GNG2: variants seen among roughly 807,000 people sequenced by gnomAD.
GNG2 encodes the protein G protein subunit gamma 2, also known as guanine nucleotide-binding protein G(I)/G(S)/G(O) subunit gamma-2.
Under a neutral mutation model 5.5 loss-of-function variants are expected in GNG2, and 5 were observed. The observed-to-expected ratio is 0.91, with a 90% CI of 0.48 to 1.92. The LOEUF (loss-of-function observed/expected upper bound fraction) is 1.92, where lower values mean the gene tolerates loss of function less well. Ranked by LOEUF, GNG2 falls within the 30% of genes most tolerant of loss-of-function variation. The pLI, the probability that GNG2 is intolerant of heterozygous loss-of-function variation, is 0.01. For synonymous variants in GNG2, 28 were observed against 32.0 expected (o/e 0.88, Z 0.42); for missense variants, 55 against 88.4 (o/e 0.62, Z 1.52).
rs969184287 is a variant in GNG2 at position 51,966,972 on chromosome 14, C to G, written c.*285C>G. 2 of 179,646 alleles carry G rather than the reference C, an allele frequency of 1.1e-5. No individual in the cohort carries two copies. Among genetic ancestry groups the G allele is most frequent in the Non-Finnish European group, 2.3e-5 (2 of 88,184 alleles). The allele number at this position is 179,646 out of a possible 1,614,324, so 11.1% of individuals were successfully genotyped here. On this transcript the variant is annotated 3_prime_UTR_variant, in exon 4 of 4. Transcript: ENST00000556766. Reference sequence around the variant, plus strand: ...TTCTGCTATCCCCCAGCCCCCCCCCCAAAATCCTCATGTTTCTGCTTCATA... The same window carrying G: ...TTCTGCTATCCCCCAGCCCCCCCCCGAAAATCCTCATGTTTCTGCTTCATA...
At chr14:51,944,827 A>G (rs1019913752) in intron 2 of GNG2, among the ~76,000 whole-genome samples, 2 of 152,216 alleles carry the variant, frequency 1.3e-5, no homozygotes, top group African/African-American at 4.8e-5. Context: ...TTCAAAGGAC[A>G]GTTCAACGGA....
intron 2 of GNG2, chr14:51,914,295 C>T (rs544116035): frequency 8.5e-6 from 6 of 701,882 alleles, no homozygotes; most frequent in East Asian, 5.4e-5. Flanking sequence ...AAAGGACTGC[C>T]GTCTCAGGCC....
chr14:51,859,274 C>T (rs1040932229), upstream of GNG2, among the ~76,000 whole-genome samples: 31 of 152,164 alleles, frequency 2.0e-4, no homozygotes, highest in African/African-American at 6.5e-4. Context: ...CAGGATTCCC[C>T]TTCCCCCATC....
chr14:51,943,796 A>G (rs973832974), intron 2 of GNG2, among the ~76,000 whole-genome samples: 1 of 134,796 alleles, frequency 7.4e-6, no homozygotes, highest in African/African-American at 2.5e-5. Context: ...GAAAGAACAC[A>G]TAAATAAATG....
At chr14:51,907,157 C>T (rs1323988849) in intron 2 of GNG2, among the ~76,000 whole-genome samples, 2 of 152,148 alleles carry the variant, frequency 1.3e-5, no homozygotes, top group Non-Finnish European at 2.9e-5. Flanking sequence ...CAGCCACTGC[C>T]AAGTCTCCTT....
At chr14:51,892,648 G>C (rs1042755010) in intron 2 of GNG2, among the ~76,000 whole-genome samples, 4 of 152,122 alleles carry the variant, frequency 2.6e-5, no homozygotes, top group Admixed American at 2.0e-4. Context: ...AATGTAACAC[G>C]CTCTTGTTTT....
intron 2 of GNG2, among the ~76,000 whole-genome samples, chr14:51,829,372 T>C (rs8017171): frequency 0.4 from 61,509 of 151,920 alleles, 12,702 homozygotes; most frequent in Non-Finnish European, 0.43. Flanking sequence ...TTTCACTATC[T>C]GTTACAAGGC....
At chr14:51,921,219 C>T (rs371770793) in intron 2 of GNG2, among the ~76,000 whole-genome samples, 20 of 152,118 alleles carry the variant, frequency 1.3e-4, no homozygotes, top group Non-Finnish European at 1.6e-4. Context: ...CTGTGCCTCC[C>T]GTTCCAAAAC....
At chr14:51,930,969 G>C (rs373068141) in intron 2 of GNG2, among the ~76,000 whole-genome samples, 1 of 152,148 alleles carries the variant, frequency 6.6e-6, no homozygotes, top group Non-Finnish European at 1.5e-5. Context: ...GGTGGCATGC[G>C]CCTATAGTCC....
chr14:51,928,548 C>T (rs1319037680), intron 2 of GNG2, among the ~76,000 whole-genome samples: 3 of 152,098 alleles, frequency 2.0e-5, no homozygotes, highest in Non-Finnish European at 2.9e-5. Flanking sequence ...TGTGTTCCAC[C>T]CTACCAAGGA....
chr14:51,859,349 C>T (rs533788698), upstream of GNG2, among the ~76,000 whole-genome samples: 9 of 152,102 alleles, frequency 5.9e-5, no homozygotes, highest in Non-Finnish European at 1.2e-4. Flanking sequence ...ATGACTCACA[C>T]GTTGAATAAA....
chr14:51,957,543 T>C (rs1162798085), intron 3 of GNG2, among the ~76,000 whole-genome samples: 1 of 152,200 alleles, frequency 6.6e-6, no homozygotes, highest in Non-Finnish European at 1.5e-5. Context: ...AGATGTCCTG[T>C]CACCTCTGAA....
intron 2 of GNG2, among the ~76,000 whole-genome samples, chr14:51,832,286 A>G (rs1476733425): frequency 1.1e-4 from 3 of 26,294 alleles, no homozygotes; most frequent in South Asian, 7.3e-4. Context: ...TACAGGGAGA[A>G]AAAAAAAAAA....
At chr14:51,841,424 G>A in intron 2 of GNG2, 1 of 603,252 alleles carries the variant, frequency 1.7e-6, no homozygotes, top group Non-Finnish European at 3.0e-6. Flanking sequence ...CAAAAAGCCT[G>A]GCACTGTTTG....
chr14:51,918,033 A>T (rs1886758055), intron 2 of GNG2, among the ~76,000 whole-genome samples: 3 of 137,054 alleles, frequency 2.2e-5, no homozygotes, highest in African/African-American at 1.0e-4. Flanking sequence ...CTCAAAAAAC[A>T]AACCAAAAAA....
chr14:51,876,800 C>G (rs967229895), intron 1 of GNG2, among the ~76,000 whole-genome samples: 5 of 152,020 alleles, frequency 3.3e-5, no homozygotes, highest in Admixed American at 6.6e-5. Flanking sequence ...CCCTAGAACC[C>G]CTTGCGAATT....
intron 2 of GNG2, among the ~76,000 whole-genome samples, chr14:51,842,508 C>T (rs1402805067): frequency 6.6e-6 from 1 of 152,172 alleles, no homozygotes; most frequent in Non-Finnish European, 1.5e-5. Context: ...CTGGGACACC[C>T]ACTGTCCCAG....
upstream of GNG2, among the ~76,000 whole-genome samples, chr14:51,859,876 T>G (rs1195032240): frequency 6.6e-6 from 1 of 152,180 alleles, no homozygotes; most frequent in African/African-American, 2.4e-5. Context: ...CAGCACCACC[T>G]CATTCCTTCC....
intron 2 of GNG2, among the ~76,000 whole-genome samples, chr14:51,899,263 C>T (rs534815337): frequency 5.9e-5 from 9 of 152,256 alleles, no homozygotes; most frequent in African/African-American, 2.2e-4. Flanking sequence ...GGCTTTGCCT[C>T]CACCAGGTTC....
Sources: gnomAD v4.1 joint callset for allele counts (sites outside exome capture counted in the v4.1 genomes callset) on GRCh38, gnomAD v4.1.1 for gene constraint, MANE v1.5 for transcripts, NCBI Gene and HGNC (gene_info 2026-07-23, HGNC 2026-07-21) for gene names.